The following GRHL3 variants were observed in gnomAD, a reference collection of about 807,000 sequenced individuals.
GRHL3 encodes the protein grainyhead-like protein 3 homolog.
Under a neutral mutation model 70.3 loss-of-function variants are expected in GRHL3, and 20 were observed. The ratio of observed to expected loss-of-function variants is 0.28; its 90% CI spans 0.20 to 0.41. GRHL3 has a LOEUF of 0.41. GRHL3 is among the 10% of genes least tolerant of loss of function. GRHL3 has a pLI of 1.00. For missense variants in GRHL3, 637 were observed against 762.3 expected, an observed-to-expected ratio of 0.84 and a Z score of 1.94; for synonymous variants, 299 against 299.9, an observed-to-expected ratio of 1.00 and a Z score of 0.03.
At position 24,331,584 on chromosome 1, in the gene GRHL3, CCTTGAG is replaced by C; in HGVS notation, c.180_185del (p.Leu60_Ser61del). On this transcript the variant is annotated inframe_deletion, in exon 2 of 16. Coordinates refer to ENST00000361548, the MANE Select transcript of GRHL3 (RefSeq NM_198173.3). ...AATGGAGATGATGACAGTGTTGCGG[CCTTGAG>C]CTTCCTCTATGATTACTACATGGTA... The C allele has an allele frequency of 6.2e-7, 1 of 1,613,886 alleles. No homozygotes were observed. Among genetic ancestry groups the C allele is most frequent in the Non-Finnish European group, 8.5e-7 (1 of 1,179,880 alleles).
chr1:24,357,888 C>A, downstream of GRHL3: 1 of 321,064 alleles, frequency 3.1e-6, no homozygotes, highest in South Asian at 2.7e-5. Context: ...AGCCCCCGGG[C>A]CCGGCCACTG....
chr1:24,346,651 C>G lies in GRHL3; in HGVS notation c.1543+10C>G. The G allele has an allele frequency of 1.3e-5, 21 of 1,603,176 alleles. No homozygotes were observed. The highest frequency in any genetic ancestry group is 1.8e-5 in the Non-Finnish European group (21 of 1,171,636). Reference sequence around the variant, plus strand: ...GGCGACCTTCAGAGAGGTGACCTCCCGCCCTCCTCATTTACTCACCAGGCC... The same window carrying G: ...GGCGACCTTCAGAGAGGTGACCTCCGGCCCTCCTCATTTACTCACCAGGCC... On this transcript the variant is annotated intron_variant, in intron 13 of 15. Transcript: ENST00000361548.
At chr1:24,352,443 A>T (rs1640550784) in intron 15 of GRHL3, among the ~76,000 whole-genome samples, 1 of 152,216 alleles carries the variant, frequency 6.6e-6, no homozygotes, top group Non-Finnish European at 1.5e-5. Context: ...GCAAGTAACA[A>T]GAGGCCCACA....
At chr1:24,362,738 C>A (rs907908812) in intron 15 of GRHL3, among the ~76,000 whole-genome samples, 4 of 152,136 alleles carry the variant, frequency 2.6e-5, no homozygotes, top group Non-Finnish European at 5.9e-5. Flanking sequence ...CAGGGGACAC[C>A]CCCCTGGTCA....
intron 8 of GRHL3, 34 bp downstream of exon 8, chr1:24,339,796 G>A: frequency 2.8e-6 from 4 of 1,431,254 alleles, no homozygotes; most frequent in Non-Finnish European, 3.9e-6. Context: ...GGATGGGACT[G>A]GGCTGCCTGG....
intron 1 of GRHL3, among the ~76,000 whole-genome samples, chr1:24,329,509 T>A (rs1394192401): frequency 2.0e-5 from 3 of 152,218 alleles, no homozygotes; most frequent in Admixed American, 2.0e-4. Flanking sequence ...TGTGTGCCTT[T>A]GTGCTCGATA....
rs529068313 is a variant in GRHL3, at chr1:24,323,063, A to C, written c.17+3495A>C. ...AGAGGAGATGTGCCAAACTGTTAAGAGTGGTTATTTCTGAGCAGAAGAATG... is the reference window on the plus strand; with the variant it reads ...AGAGGAGATGTGCCAAACTGTTAAGCGTGGTTATTTCTGAGCAGAAGAATG... On this transcript the variant is annotated intron_variant, in intron 1 of 15. Transcript: ENST00000361548. The C allele has an allele frequency of 2.5e-3, 3,799 of 1,549,382 alleles. 10 individuals carry two copies. The highest frequency in any genetic ancestry group is 2.9e-3 in the Non-Finnish European group (3,302 of 1,145,042).
Position 24,342,375 on chromosome 1 carries a change from C to G in GRHL3, c.1206+102C>G. ...GCTTCTCTGGGTTGTCTGTCTCTCT[C>G]TGTTTTTCTATCCCTTCTCCTCCTT... On this transcript the variant is annotated intron_variant, in intron 9 of 15. Transcript: ENST00000361548. The surrounding 1 kb of genome is among the most constrained non-coding windows in gnomAD (Gnocchi z 4.8). 1 of 1,013,458 alleles carries G rather than the reference C, an allele frequency of 9.9e-7. No homozygotes were observed. The highest frequency in any genetic ancestry group is 1.6e-5 in the South Asian group (1 of 62,158). The allele number at this position is 1,013,458 out of a possible 1,614,324, so 62.8% of individuals were successfully genotyped here. A position where few individuals can be genotyped will look rare whatever the true frequency, so the allele number is the denominator to read the frequency against.
At chr1:24,346,448 T>C in intron 12 of GRHL3, 105 bp from the exon 13 acceptor site, 1 of 707,444 alleles carries the variant, frequency 1.4e-6, no homozygotes, top group Non-Finnish European at 2.5e-6. Context: ...CATCCACCCT[T>C]GTGTTTTCTT....
At chr1:24,325,256 CCTT>C (rs1185312728) in intron 1 of GRHL3, among the ~76,000 whole-genome samples, 2 of 152,266 alleles carry the variant, frequency 1.3e-5, no homozygotes, top group East Asian at 1.9e-4. Flanking sequence ...GTGCCACACA[CCTT>C]CTTTGGTGGA....
At chr1:24,360,813 G>T (rs1232056767) in intron 15 of GRHL3, 2 of 1,543,438 alleles carry the variant, frequency 1.3e-6, no homozygotes, top group Non-Finnish European at 1.8e-6. Flanking sequence ...AGTTCCAGAA[G>T]ATTTGGTTTT....
rs1255457307 is a variant in GRHL3, at chr1:24,342,135, T to C, written c.1068T>C (p.Cys356=). 6.2e-7 allele frequency: 1 copy of C among 1,601,678 alleles called. No individual in the cohort carries two copies. Among genetic ancestry groups the C allele is most frequent in the Non-Finnish European group, 8.5e-7 (1 of 1,173,514 alleles). ...TCCAGGTGTTCATCGGCGTAAACTG[T>C]CTGAGCACAGACTTTTCCTCACAAA... The part of the protein sequence containing the change: ...EEAKVFIGVN[C]LSTDFSSQKG... Residue 356 remains cysteine, a synonymous_variant, in exon 9 of 16, where the codon TGT becomes TGC. Coordinates refer to ENST00000361548, the MANE Select transcript of GRHL3 (RefSeq NM_198173.3). The surrounding 1 kb of genome is among the most constrained non-coding windows in gnomAD (Gnocchi z 4.8).
At chr1:24,337,856 G>C in intron 6 of GRHL3, 67 bp downstream of exon 6, 1 of 1,602,264 alleles carries the variant, frequency 6.2e-7, no homozygotes, top group Non-Finnish European at 8.5e-7. Flanking sequence ...CCTTGGGCTA[G>C]CCACGGACCC....
intron 11 of GRHL3, among the ~76,000 whole-genome samples, chr1:24,344,120 G>T (rs530186800): frequency 7.9e-5 from 12 of 152,300 alleles, no homozygotes; most frequent in Non-Finnish European, 1.5e-4. Flanking sequence ...GGGGGTTGAG[G>T]GTGGGCCAGT....
At position 24,334,709 on chromosome 1, in the gene GRHL3, GA is replaced by G; in HGVS notation, c.266+4del. 6.2e-7 allele frequency: 1 copy of G among 1,609,714 alleles called. No homozygotes were observed. Among genetic ancestry groups the G allele is most frequent in the African/African-American group, 1.3e-5 (1 of 74,892 alleles). On this transcript the variant is annotated splice_donor_region_variant and intron_variant, in intron 3 of 15. Transcript: ENST00000361548. This position sits in a 1 kb window ranked among gnomAD's most constrained non-coding sequence, Gnocchi z 4.3. ...GGCAGGAATGACCAAGGAAAGAGGT[GA>G]GGCTTGCCAACACCCTCTGCCTCTT...
downstream of GRHL3, among the ~76,000 whole-genome samples, chr1:24,356,470 A>T (rs1640722421): frequency 2.0e-5 from 3 of 151,830 alleles, no homozygotes; most frequent in Non-Finnish European, 4.4e-5. Flanking sequence ...CGATCTCCTG[A>T]CATCATGATC....
At chr1:24,361,585 A>G (rs1641120501) in intron 15 of GRHL3, among the ~76,000 whole-genome samples, 1 of 152,170 alleles carries the variant, frequency 6.6e-6, no homozygotes, top group African/African-American at 2.4e-5. Flanking sequence ...AGGCCACTGT[A>G]ACATTGACAT....
chr1:24,341,313 G>A (rs1452243444), intron 8 of GRHL3, among the ~76,000 whole-genome samples: 1 of 152,196 alleles, frequency 6.6e-6, no homozygotes, highest in African/African-American at 2.4e-5. Context: ...AGCCACACAA[G>A]ATAGGTTTCA....
intron 1 of GRHL3, among the ~76,000 whole-genome samples, chr1:24,320,680 C>G (rs996173037): frequency 6.6e-6 from 1 of 152,232 alleles, no homozygotes; most frequent in Admixed American, 6.5e-5. Context: ...ATTCTATGTT[C>G]TAGCTAGCCC....
Sources: allele counts gnomAD v4.1 joint callset (sites outside exome capture counted in the v4.1 genomes callset), GRCh38; gene constraint gnomAD v4.1.1; non-coding constraint Gnocchi (gnomAD v3.1); transcripts MANE v1.5; gene names NCBI Gene and HGNC (gene_info 2026-07-23, HGNC 2026-07-21).